The following JAK1 variants were observed in gnomAD, a reference collection of about 807,000 sequenced individuals.
JAK1 encodes Janus kinase 1.
Under a neutral mutation model 136.6 loss-of-function variants are expected in JAK1, and 16 were observed. That is an observed-to-expected ratio of 0.12 (90% CI 0.08 to 0.18). The LOEUF is 0.18. JAK1 is among the 10% of genes least tolerant of loss of function. The pLI, the probability that JAK1 is intolerant of heterozygous loss-of-function variation, is 1.00. For synonymous variants in JAK1, 492 were observed against 519.5 expected, an observed-to-expected ratio of 0.95 and a Z score of 0.72; for missense variants, 859 against 1,450.1, an observed-to-expected ratio of 0.59 and a Z score of 6.62.
At chr1:64,924,021 A>G (rs1557695956) in intron 1 of JAK1, among the ~76,000 whole-genome samples, 2 of 152,246 alleles carry the variant, frequency 1.3e-5, no homozygotes, top group South Asian at 4.1e-4. Flanking sequence ...TCACGAGTAC[A>G]TCAGAAGACA....
At chr1:64,917,217 G>A (rs146860295) in intron 1 of JAK1, among the ~76,000 whole-genome samples, 55 of 152,220 alleles carry the variant, frequency 3.6e-4, no homozygotes, top group East Asian at 1.7e-3. Flanking sequence ...GCTGCACCAA[G>A]GAAAGAGACA....
At chr1:64,871,477 C>T (rs1043774135) in intron 5 of JAK1, among the ~76,000 whole-genome samples, 2 of 152,150 alleles carry the variant, frequency 1.3e-5, no homozygotes, top group Admixed American at 6.5e-5. Flanking sequence ...CTCTGGACTC[C>T]AGCCTCATTA....
intron 2 of JAK1, chr1:64,985,256 C>T: frequency 6.2e-7 from 1 of 1,606,374 alleles, no homozygotes; most frequent in Non-Finnish European, 8.5e-7. Context: ...CAGAGAGCTG[C>T]TGAGAGAGCT....
chr1:64,962,019 C>A (rs1043518385), intron 1 of JAK1, among the ~76,000 whole-genome samples: 1 of 152,190 alleles, frequency 6.6e-6, no homozygotes, highest in African/African-American at 2.4e-5. Context: ...ACTTCCTAGT[C>A]CTCAAACTTC....
chr1:64,839,559 A>G, intron 20 of JAK1, 44 bp downstream of exon 20: 4 of 1,577,044 alleles, frequency 2.5e-6, no homozygotes, highest in Non-Finnish European at 3.5e-6. Flanking sequence ...GACCCTAGAC[A>G]GTCACCAAAT....
chr1:64,941,867 G>A (rs1025347101), intron 1 of JAK1: 2 of 152,162 alleles, frequency 1.3e-5, no homozygotes, highest in African/African-American at 2.4e-5. Flanking sequence ...GGAGAAGCAG[G>A]GAAGATTAGG....
chr1:64,917,765 T>A (rs1002786372), intron 1 of JAK1, among the ~76,000 whole-genome samples: 3 of 152,094 alleles, frequency 2.0e-5, no homozygotes, highest in African/African-American at 7.2e-5. Context: ...TAAGCCAGGG[T>A]GGAGCAGCAC....
intron 1 of JAK1, among the ~76,000 whole-genome samples, chr1:64,925,330 C>T (rs922073555): frequency 1.3e-5 from 2 of 151,922 alleles, no homozygotes; most frequent in Admixed American, 1.3e-4. Flanking sequence ...ATCGCTTGAA[C>T]CCAGGAAGTG....
At chr1:64,901,743 A>C (rs1044060570) in intron 1 of JAK1, among the ~76,000 whole-genome samples, 3 of 152,164 alleles carry the variant, frequency 2.0e-5, no homozygotes, top group African/African-American at 7.2e-5. Context: ...CATCATCACT[A>C]TCTACTTCCA....
At chr1:64,957,963 C>T (rs948097611) in intron 1 of JAK1, among the ~76,000 whole-genome samples, 1 of 151,538 alleles carries the variant, frequency 6.6e-6, no homozygotes, top group African/African-American at 2.4e-5. Context: ...AAAAAGTGTA[C>T]TGCAAAGACT....
intron 2 of JAK1, among the ~76,000 whole-genome samples, chr1:65,022,729 G>A (rs1646947106): frequency 6.6e-6 from 1 of 152,184 alleles, no homozygotes; most frequent in African/African-American, 2.4e-5. Context: ...ACCTTGCTAA[G>A]AGGGAGGAGA....
chr1:65,015,175 AGAAT>A (rs1204414887), intron 2 of JAK1, among the ~76,000 whole-genome samples: 2 of 152,232 alleles, frequency 1.3e-5, no homozygotes, highest in Non-Finnish European at 2.9e-5. Flanking sequence ...GGTACAAGAA[AGAAT>A]GAAGAGTAAA....
chr1:65,000,591 G>A (rs149567894), intron 2 of JAK1, among the ~76,000 whole-genome samples: 1 of 152,060 alleles, frequency 6.6e-6, no homozygotes, highest in East Asian at 1.9e-4. Context: ...ATTCAATAGG[G>A]CTTTGGTTAA....
chr1:64,987,865 C>T (rs948483299), intron 2 of JAK1, among the ~76,000 whole-genome samples: 1 of 152,022 alleles, frequency 6.6e-6, no homozygotes, highest in Non-Finnish European at 1.5e-5. Flanking sequence ...ATAACATTTC[C>T]AAGTACCTAG....
At position 65,038,198 on chromosome 1, in the gene JAK1, CTTTTTTTTTT is replaced by C. The variant is rs113538392; in HGVS notation, c.-78+6272_-78+6281del. Among the ~76,000 whole-genome samples the C allele has an allele frequency of 2.4e-3, 322 of 133,278 alleles. 3 individuals are homozygous for C. Among genetic ancestry groups the C allele is most frequent in the African/African-American group, 8.7e-3 (309 of 35,620 alleles). 87.4% of individuals were successfully genotyped at this position (133,278 alleles called of 152,430 possible). On this transcript the variant is annotated intron_variant, in intron 2 of 25. Coordinates refer to the JAK1 transcript ENST00000671954. ...TGAAATTCTTTTTCTTTTTTCTTTT[CTTTTTTTTTT>C]TTTTTTTGAGACAGAGTTTTGCTCT...
chr1:64,861,227 AG>A (rs1300965510), intron 8 of JAK1, among the ~76,000 whole-genome samples: 2 of 152,162 alleles, frequency 1.3e-5, no homozygotes, highest in Admixed American at 1.3e-4. Flanking sequence ...GACTTGCTCT[AG>A]AAGGTGAAAC....
intron 1 of JAK1, among the ~76,000 whole-genome samples, chr1:65,045,795 A>G (rs1647178148): frequency 6.6e-6 from 1 of 152,210 alleles, no homozygotes; most frequent in Non-Finnish European, 1.5e-5. Flanking sequence ...GAGAGAATGA[A>G]AATGGGAGCC....
At chr1:64,879,520 G>A (rs752839919) in intron 3 of JAK1, among the ~76,000 whole-genome samples, 4 of 152,076 alleles carry the variant, frequency 2.6e-5, no homozygotes, top group Non-Finnish European at 4.4e-5. Context: ...TTTGCTAATC[G>A]GAAACACTCT....
intron 2 of JAK1, chr1:64,993,478 T>G (rs1359642703): frequency 6.6e-6 from 1 of 152,190 alleles, no homozygotes; most frequent in Non-Finnish European, 1.5e-5. Flanking sequence ...TTACCTAACT[T>G]ATTATAGAAC....
Sources: gnomAD v4.1 joint callset for allele counts (sites outside exome capture counted in the v4.1 genomes callset) on GRCh38, gnomAD v4.1.1 for gene constraint, MANE v1.5 for transcripts, NCBI Gene and HGNC (gene_info 2026-07-23, HGNC 2026-07-21) for gene names.